Variants in XRN1 observed in about 807,000 individuals in gnomAD.
The protein encoded by XRN1 is 5'-3' exoribonuclease 1.
In XRN1, 67 loss-of-function variants were observed where a neutral mutation model predicts 222.3. That is an observed-to-expected ratio of 0.30 (90% CI 0.25 to 0.37). The LOEUF is 0.37. XRN1 is among the 10% of genes least tolerant of loss of function. The pLI, the probability that XRN1 is intolerant of heterozygous loss-of-function variation, is 1.00. For synonymous variants in XRN1, 643 were observed against 652.4 expected (o/e 0.99, Z 0.22); for missense variants, 1,707 against 2,000.2 (o/e 0.85, Z 2.80).
intron 37 of XRN1, among the ~76,000 whole-genome samples, chr3:142,320,123 T>C (rs947005294): frequency 1.3e-5 from 2 of 152,256 alleles, no homozygotes; most frequent in African/African-American, 4.8e-5. Flanking sequence ...ATCATAGTTC[T>C]ATTTTTAGCT....
Position 142,308,037 on chromosome 3 carries a change from C to A in XRN1, c.*3474G>T, listed in dbSNP as rs1184169877. On this transcript the variant is annotated 3_prime_UTR_variant, in exon 41 of 41. Coordinates refer to ENST00000392981, the MANE Select transcript of XRN1 (RefSeq NM_001282857.2). ...TACAGTTGCTTTAAAAAACTGTGCT[C>A]TAAATAATGGGAAGAAGCGTGACAG... The A allele has an allele frequency of 6.8e-6, 1 of 147,232 alleles. No individual in the cohort carries two copies. The highest frequency in any genetic ancestry group is 1.5e-5 in the Non-Finnish European group (1 of 66,204). The allele number at this position is 147,232 out of a possible 1,614,324, so 9.1% of individuals were successfully genotyped here.
intron 21 of XRN1, 117 bp downstream of exon 21, chr3:142,384,406 A>G (rs1242422747): frequency 9.0e-6 from 6 of 664,472 alleles, no homozygotes; most frequent in Non-Finnish European, 2.2e-6. Flanking sequence ...TTAAATGATA[A>G]TCTCTATTAT....
In XRN1 at chr3:142,307,922, C is replaced by A. The variant is rs548463387; in HGVS notation, c.*3589G>T. Reference sequence around the variant, plus strand: ...AACGACTTTCACAGCCACTTCTCTACAATAAATTAATTGTCTTCTACAGTA... The same window carrying A: ...AACGACTTTCACAGCCACTTCTCTAAAATAAATTAATTGTCTTCTACAGTA... On this transcript the variant is annotated 3_prime_UTR_variant, in exon 41 of 41. Coordinates refer to ENST00000392981, the MANE Select transcript of XRN1 (RefSeq NM_001282857.2). 3.3e-5 allele frequency: 5 copies of A among 152,222 alleles called. No individual in the cohort carries two copies. Among genetic ancestry groups the A allele is most frequent in the Admixed American group, 3.3e-4 (5 of 15,272 alleles). 9.4% of individuals were successfully genotyped at this position (152,222 alleles called of 1,614,324 possible).
chr3:142,376,382 C>T (rs1311584249), intron 24 of XRN1, 97 bp downstream of exon 24: 2 of 957,354 alleles, frequency 2.1e-6, no homozygotes, highest in Non-Finnish European at 3.2e-6. Flanking sequence ...CAATCCAGAG[C>T]AATTAATAAG....
chr3:142,344,483 A>C (rs1241606410), intron 33 of XRN1, among the ~76,000 whole-genome samples: 2 of 152,192 alleles, frequency 1.3e-5, no homozygotes, highest in Admixed American at 1.3e-4. Context: ...CAACAAAAGA[A>C]ATAAAAGGCA....
chr3:142,332,296 A>T (rs2107919904), intron 36 of XRN1, 79 bp downstream of exon 36: 1 of 1,119,678 alleles, frequency 8.9e-7, no homozygotes, highest in Non-Finnish European at 1.2e-6. Flanking sequence ...TTTTATCTTT[A>T]AAAGTACATG....
Position 142,417,231 on chromosome 3 carries a change from T to TC in XRN1, c.1347-3_1347-2insG. On this transcript the variant is annotated splice_region_variant and splice_polypyrimidine_tract_variant and intron_variant, in intron 12 of 40. Coordinates refer to ENST00000392981, the MANE Select transcript of XRN1 (RefSeq NM_001282857.2). ...GCAGCTTGATCAGCCAGAAAGTCAC[T>TC]GAAAATAGAATATTTTCATTATAAC... The TC allele has an allele frequency of 1.2e-6, 2 of 1,612,646 alleles. No homozygotes were observed. Among genetic ancestry groups the TC allele is most frequent in the Non-Finnish European group, 1.7e-6 (2 of 1,179,232 alleles).
intron 32 of XRN1, among the ~76,000 whole-genome samples, chr3:142,354,890 G>A (rs943150549): frequency 1.1e-4 from 16 of 152,244 alleles, no homozygotes; most frequent in African/African-American, 3.6e-4. Flanking sequence ...ATACTATGCA[G>A]TCATAAAAAA....
At chr3:142,422,285 A>G (rs959966417) in intron 8 of XRN1, among the ~76,000 whole-genome samples, 14 of 152,178 alleles carry the variant, frequency 9.2e-5, no homozygotes, top group African/African-American at 3.4e-4. Flanking sequence ...CACTGTCGCC[A>G]CTGCACTCCA....
intron 19 of XRN1, among the ~76,000 whole-genome samples, chr3:142,399,257 A>AAAAAAG (rs2068039885): frequency 6.6e-6 from 1 of 150,840 alleles, no homozygotes; most frequent in Non-Finnish European, 1.5e-5. Context: ...AAAAAAAAAA[A>AAAAAAG]GTGAAGTTGA....
chr3:142,347,395 T>C (rs1297147726), intron 32 of XRN1, 53 bp from the exon 33 acceptor site: 1 of 1,089,450 alleles, frequency 9.2e-7, no homozygotes, highest in Non-Finnish European at 1.3e-6. Context: ...TATAACTACT[T>C]CTTATCTTCA....
At chr3:142,312,493 T>G in intron 40 of XRN1, 105 bp downstream of exon 40, 1 of 1,212,304 alleles carries the variant, frequency 8.2e-7, no homozygotes. Flanking sequence ...ACACTAGTAC[T>G]GAACTTCTAG....
intron 18 of XRN1, among the ~76,000 whole-genome samples, 185 bp downstream of exon 18, chr3:142,403,489 G>T (rs1231953262): frequency 6.6e-6 from 1 of 151,974 alleles, no homozygotes; most frequent in Non-Finnish European, 1.5e-5. Flanking sequence ...TATATTCATT[G>T]TGTCACAGTG....
At chr3:142,393,519 G>A (rs900441192) in intron 20 of XRN1, among the ~76,000 whole-genome samples, 4 of 150,534 alleles carry the variant, frequency 2.7e-5, no homozygotes, top group Non-Finnish European at 4.4e-5. Flanking sequence ...GTAAGGAAGG[G>A]ATCCAGTTTC....
chr3:142,407,686 T>C (rs906901850), intron 15 of XRN1: 1 of 152,360 alleles, frequency 6.6e-6, no homozygotes, highest in South Asian at 2.1e-4. Context: ...TGAATTTGTA[T>C]ATCATGCTTG....
chr3:142,325,522 G>T, intron 37 of XRN1, among the ~76,000 whole-genome samples: 1 of 151,464 alleles, frequency 6.6e-6, no homozygotes, highest in Admixed American at 6.6e-5. Flanking sequence ...GGGATTTTTT[G>T]TTTTTTTTCT....
chr3:142,371,790 C>G (rs972790712), intron 25 of XRN1, among the ~76,000 whole-genome samples: 2 of 152,178 alleles, frequency 1.3e-5, no homozygotes, highest in East Asian at 3.9e-4. Flanking sequence ...TGCTTATCTT[C>G]CATCCCTCTC....
chr3:142,365,634 T>C (rs1577301806), intron 27 of XRN1, among the ~76,000 whole-genome samples: 2 of 152,224 alleles, frequency 1.3e-5, no homozygotes. Context: ...TATAAGTATA[T>C]AGGCCAATGA....
At chr3:142,432,233 A>ATATAAAATTTATTATATATATAATTAAT (rs2069656387) in intron 2 of XRN1, among the ~76,000 whole-genome samples, 1 of 105,618 alleles carries the variant, frequency 9.5e-6, no homozygotes, top group African/African-American at 3.4e-5. Flanking sequence ...AATTAATTAT[A>ATATAAAATTTATTATATATATAATTAAT]TATATATAAA....
Sources: gnomAD v4.1 joint callset for allele counts (sites outside exome capture counted in the v4.1 genomes callset) on GRCh38, gnomAD v4.1.1 for gene constraint, MANE v1.5 for transcripts, NCBI Gene and HGNC (gene_info 2026-07-23, HGNC 2026-07-21) for gene names.